Variants in ADGRL3 observed in about 807,000 individuals in gnomAD.
ADGRL3 encodes calcium-independent alpha-latrotoxin receptor 3.
In ADGRL3, 62 loss-of-function variants were observed where a neutral mutation model predicts 153.5. The ratio of observed to expected loss-of-function variants is 0.40; its 90% confidence interval spans 0.33 to 0.50. ADGRL3 has a LOEUF of 0.50. Ranked by LOEUF, ADGRL3 falls within the 20% of genes least tolerant of loss-of-function variation. The pLI, the probability that ADGRL3 is intolerant of heterozygous loss-of-function variation, is 0.47. For missense variants in ADGRL3, 1,641 were observed against 1,859.4 expected, an observed-to-expected ratio of 0.88 and a Z score of 2.16; for synonymous variants, 710 against 672.5, an observed-to-expected ratio of 1.06 and a Z score of -0.86.
At chr4:61,445,557 G>T (rs754405440) in intron 2 of ADGRL3, among the ~76,000 whole-genome samples, 3 of 152,206 alleles carry the variant, frequency 2.0e-5, no homozygotes, top group Non-Finnish European at 2.9e-5. Context: ...TGGCAATGAG[G>T]TAATGGAGCA....
At chr4:61,508,618 G>A (rs1365130365) in intron 3 of ADGRL3, among the ~76,000 whole-genome samples, 4 of 152,030 alleles carry the variant, frequency 2.6e-5, no homozygotes, top group African/African-American at 9.7e-5. Context: ...GATTCAGGGG[G>A]TAAATGTACA....
chr4:61,548,067 C>A (rs1369810080), intron 4 of ADGRL3, among the ~76,000 whole-genome samples: 1 of 151,988 alleles, frequency 6.6e-6, no homozygotes, highest in African/African-American at 2.4e-5. Context: ...TGCTTGTTGG[C>A]TACATGTATG....
At chr4:61,783,027 A>G (rs1474055532) in intron 8 of ADGRL3, among the ~76,000 whole-genome samples, 2 of 152,168 alleles carry the variant, frequency 1.3e-5, no homozygotes, top group Non-Finnish European at 2.9e-5. Context: ...CCCAGGCTCC[A>G]CTGACTAGAC....
chr4:61,440,883 A>C (rs747564308), intron 2 of ADGRL3, among the ~76,000 whole-genome samples: 5 of 152,222 alleles, frequency 3.3e-5, no homozygotes, highest in Non-Finnish European at 7.3e-5. Context: ...ATATGAAGTC[A>C]TGTACCCTTT....
intron 1 of ADGRL3, among the ~76,000 whole-genome samples, chr4:61,355,642 C>A (rs1429184112): frequency 6.6e-6 from 1 of 152,002 alleles, no homozygotes; most frequent in Non-Finnish European, 1.5e-5. Context: ...TCTATTTAGA[C>A]AAAATACACC....
At chr4:61,813,393 AAAATAAAT>A (rs149325961) in intron 8 of ADGRL3, among the ~76,000 whole-genome samples, 2 of 152,108 alleles carry the variant, frequency 1.3e-5, no homozygotes, top group Non-Finnish European at 2.9e-5. Flanking sequence ...ATTCCATTTC[AAAATAAAT>A]AAATAAATAA....
chr4:61,558,330 C>T (rs1240303326), intron 4 of ADGRL3, among the ~76,000 whole-genome samples: 2 of 151,222 alleles, frequency 1.3e-5, no homozygotes, highest in African/African-American at 4.9e-5. Context: ...TCCTTTCTTC[C>T]TTGGACTTTT....
Position 61,979,747 on chromosome 4 carries a change from T to C in ADGRL3, c.2990T>C (p.Ile997Thr), listed in dbSNP as rs770184653. 21 of 1,613,792 alleles carry C rather than the reference T, an allele frequency of 1.3e-5. No individual in the cohort carries two copies. The South Asian group carries it at 2.1e-4, about 16-fold the overall frequency. The change falls in exon 18 of 27, where the codon ATT becomes ACT. Residue 997 changes from isoleucine to threonine, a missense_variant. Around this residue, in one of 5 missense-constraint regions of ADGRL3, gnomAD observed 734 missense variants for 797.0 expected, o/e 0.92. Coordinates refer to ENST00000683033, the MANE Select transcript of ADGRL3 (RefSeq NM_001387552.1). ...SLFVAELLFL[I>T]GINRTDQPIA... ...TTTGTAGCAGAGCTGCTCTTCCTGATTGGGATCAACCGAACTGACCAACCA... is the reference window on the plus strand; with the variant it reads ...TTTGTAGCAGAGCTGCTCTTCCTGACTGGGATCAACCGAACTGACCAACCA...
intron 4 of ADGRL3, among the ~76,000 whole-genome samples, chr4:61,552,037 A>G (rs187460676): frequency 8.5e-5 from 13 of 152,308 alleles, no homozygotes; most frequent in African/African-American, 3.1e-4. Flanking sequence ...GATGGATTAC[A>G]TTTATTATAA....
chr4:61,421,799 A>G (rs886550326), intron 2 of ADGRL3, among the ~76,000 whole-genome samples: 7 of 152,194 alleles, frequency 4.6e-5, no homozygotes, highest in South Asian at 2.1e-4. Context: ...ATTGATGCCC[A>G]TGAGTCAAAA....
At chr4:61,897,705 T>C (rs2098639680) in intron 11 of ADGRL3, among the ~76,000 whole-genome samples, 1 of 152,206 alleles carries the variant, frequency 6.6e-6, no homozygotes. Flanking sequence ...GGATTGTTTG[T>C]CTATATTTTA....
rs58884223 is a variant in ADGRL3 at position 61,909,761 on chromosome 4, ATGTG to A, written c.2073+54_2073+57del. 0.12 allele frequency: 139,295 copies of A among 1,148,010 alleles called. 6,619 individuals carry two copies. The highest frequency in any genetic ancestry group is 0.19 in the East Asian group (6,252 of 33,552). 71.1% of individuals were successfully genotyped at this position (1,148,010 alleles called of 1,614,324 possible). Reference sequence around the variant, plus strand: ...TTTGAACAAGGTAAGGACCCTAATTATGTGTGTGTGTGTGTGTGTGTGTGTGTGT... The same window carrying A: ...TTTGAACAAGGTAAGGACCCTAATTATGTGTGTGTGTGTGTGTGTGTGTGT... On this transcript the variant is annotated intron_variant, in intron 12 of 26. Transcript: ENST00000683033.
chr4:61,542,449 T>C (rs190719644), intron 4 of ADGRL3, among the ~76,000 whole-genome samples: 65 of 152,274 alleles, frequency 4.3e-4, no homozygotes, highest in African/African-American at 1.5e-3. Context: ...ATTAAGACAG[T>C]ACAGAAAAAT....
At chr4:61,231,748 C>T (rs1750749450) in intron 1 of ADGRL3, among the ~76,000 whole-genome samples, 1 of 151,990 alleles carries the variant, frequency 6.6e-6, no homozygotes, top group African/African-American at 2.4e-5. Context: ...CAATGTTCTT[C>T]ATTTTATCCT....
intron 8 of ADGRL3, among the ~76,000 whole-genome samples, chr4:61,808,961 T>C (rs1036821682): frequency 6.6e-6 from 1 of 152,024 alleles, no homozygotes; most frequent in African/African-American, 2.4e-5. Flanking sequence ...CAAAACGTTA[T>C]AAAAGCAAAA....
chr4:61,448,851 A>AG (rs55980752), intron 2 of ADGRL3, among the ~76,000 whole-genome samples: 2 of 8,190 alleles, frequency 2.4e-4, no homozygotes, highest in South Asian at 8.2e-3. Flanking sequence ...AAGGAAGGGA[A>AG]GGAAGGGAGG....
chr4:61,364,403 C>A (rs2096356523), intron 1 of ADGRL3, among the ~76,000 whole-genome samples: 1 of 150,902 alleles, frequency 6.6e-6, no homozygotes. Context: ...CAATATATGT[C>A]GTGATTTATA....
intron 6 of ADGRL3, among the ~76,000 whole-genome samples, chr4:61,698,303 T>A (rs1287759911): frequency 6.6e-6 from 1 of 151,814 alleles, no homozygotes; most frequent in Middle Eastern, 3.2e-3. Flanking sequence ...TACAAAAAAA[T>A]TAGCCAGGCG....
chr4:61,300,280 A>G (rs2094537802), intron 1 of ADGRL3, among the ~76,000 whole-genome samples: 1 of 152,242 alleles, frequency 6.6e-6, no homozygotes, highest in African/African-American at 2.4e-5. Context: ...AGACAACTCT[A>G]CATGATCTAA....
Sources: gnomAD v4.1 joint callset for allele counts (sites outside exome capture counted in the v4.1 genomes callset) on GRCh38, gnomAD v4.1.1 for gene constraint, gnomAD v4.1.1 regional missense constraint, MANE v1.5 for transcripts, NCBI Gene and HGNC (gene_info 2026-07-23, HGNC 2026-07-21) for gene names.